Variants in NUP62CL observed in about 807,000 individuals in gnomAD.
The protein encoded by NUP62CL is nucleoporin-62 C-terminal-like protein.
NUP62CL carries 13 observed loss-of-function variants against 15.3 expected under a neutral mutation model. That is an observed-to-expected ratio of 0.85 (90% CI 0.55 to 1.35). NUP62CL has a LOEUF of 1.35. NUP62CL is among the 40% of genes most tolerant of loss of function. The probability of loss-of-function intolerance (pLI) is 0.00; values close to 1 mark genes in which losing one functional copy is unlikely to be tolerated. For missense variants in NUP62CL, 123 were observed against 130.6 expected (o/e 0.94, Z 0.28); for synonymous variants, 54 against 49.2 (o/e 1.10, Z -0.41).
chrX:107,135,689 G>A (rs988804921), intron 8 of NUP62CL, among the ~76,000 whole-genome samples: 8 of 111,316 alleles, frequency 7.2e-5, no homozygotes, highest in African/African-American at 2.0e-4. Context: ...TTAGCTGGGC[G>A]CGTTGGCAAA....
At chrX:107,157,117 G>A (rs1451540673) in intron 4 of NUP62CL, among the ~76,000 whole-genome samples, 4 of 110,210 alleles carry the variant, frequency 3.6e-5, no homozygotes, top group Non-Finnish European at 7.6e-5. Flanking sequence ...TCCAAGAAAT[G>A]TGGGACGATG....
intron 8 of NUP62CL, among the ~76,000 whole-genome samples, chrX:107,134,599 G>A (rs1602635734): frequency 1.8e-5 from 2 of 110,629 alleles, no homozygotes; most frequent in Admixed American, 9.6e-5. Context: ...GACTACAGGC[G>A]TGTGCGACCA....
chrX:107,162,347 T>C (rs1926408449), intron 4 of NUP62CL, among the ~76,000 whole-genome samples: 1 of 111,289 alleles, frequency 9.0e-6, no homozygotes, highest in Admixed American at 9.6e-5. Context: ...CTCTCAAAGT[T>C]TGTGAAAAGA....
chrX:107,175,928 G>C (rs1187522113), intron 2 of NUP62CL, among the ~76,000 whole-genome samples: 3 of 111,123 alleles, frequency 2.7e-5, no homozygotes, highest in African/African-American at 9.8e-5. Context: ...TCTACCCCAA[G>C]TAGAGAAGGC....
chrX:107,150,546 A>C (rs1050088056), intron 7 of NUP62CL, among the ~76,000 whole-genome samples: 1 of 112,501 alleles, frequency 8.9e-6, no homozygotes, highest in Non-Finnish European at 1.9e-5. Context: ...CACCCAGGCT[A>C]GAGCACAGTG....
At chrX:107,127,564 G>A (rs1412210565) in intron 8 of NUP62CL, among the ~76,000 whole-genome samples, 2 of 110,974 alleles carry the variant, frequency 1.8e-5, no homozygotes, top group Non-Finnish European at 3.8e-5. Context: ...AATACTTTAG[G>A]TAAATATTCA....
chrX:107,148,278 A>C (rs1925927816), intron 7 of NUP62CL, among the ~76,000 whole-genome samples: 1 of 111,842 alleles, frequency 8.9e-6, no homozygotes, highest in South Asian at 3.7e-4. Context: ...TACATATCAA[A>C]AGCTTTAAAA....
intron 1 of NUP62CL, among the ~76,000 whole-genome samples, chrX:107,196,851 A>G (rs1347555148): frequency 1.8e-5 from 2 of 112,145 alleles, no homozygotes; most frequent in Admixed American, 1.9e-4. Flanking sequence ...GTATGAAGTA[A>G]CTAATTATTA....
intron 8 of NUP62CL, among the ~76,000 whole-genome samples, chrX:107,137,014 A>G (rs1373328898): frequency 8.9e-6 from 1 of 112,200 alleles, no homozygotes; most frequent in African/African-American, 3.2e-5. Context: ...CAGTGAGCCA[A>G]GTTTGCACCA....
chrX:107,161,085 T>A (rs1415583870), intron 4 of NUP62CL, among the ~76,000 whole-genome samples: 4 of 110,105 alleles, frequency 3.6e-5, no homozygotes, highest in Non-Finnish European at 7.6e-5. Context: ...CTATGAGATA[T>A]CATCTCACAC....
At chrX:107,161,126 G>A (rs1280597881) in intron 4 of NUP62CL, among the ~76,000 whole-genome samples, 1 of 106,153 alleles carries the variant, frequency 9.4e-6, no homozygotes, top group African/African-American at 3.4e-5. Flanking sequence ...GAAAAGTCAG[G>A]AAACAACAGG....
chrX:107,153,954 T>C (rs771245061), intron 5 of NUP62CL, 142 bp downstream of exon 5: 2 of 511,621 alleles, frequency 3.9e-6, no homozygotes, highest in East Asian at 3.7e-5. Context: ...GCCTAGGTGA[T>C]AGAGCAAGAC....
chrX:107,158,159 G>A (rs1320879701), intron 4 of NUP62CL, among the ~76,000 whole-genome samples: 33 of 64,520 alleles, frequency 5.1e-4, no homozygotes, highest in South Asian at 3.1e-3. Flanking sequence ...AAGAGACCTA[G>A]ACTCCCACAC....
intron 2 of NUP62CL, among the ~76,000 whole-genome samples, chrX:107,187,085 C>T (rs1242398980): frequency 9.0e-6 from 1 of 111,648 alleles, no homozygotes; most frequent in Non-Finnish European, 1.9e-5. Flanking sequence ...AAACTGAACA[C>T]TTCTAAATAA....
chrX:107,187,354 C>T (rs1046177508), intron 2 of NUP62CL, among the ~76,000 whole-genome samples: 2 of 111,641 alleles, frequency 1.8e-5, no homozygotes, highest in South Asian at 3.7e-4. Flanking sequence ...AAATTAAAAA[C>T]GAAAACAATA....
chrX:107,124,002 C>A lies in NUP62CL; in HGVS notation c.*373G>T. The A allele has an allele frequency of 4.6e-6, 1 of 218,543 alleles. No homozygotes were observed. Among genetic ancestry groups the A allele is most frequent in the Non-Finnish European group, 8.3e-6 (1 of 120,930 alleles). 18.0% of individuals were successfully genotyped at this position (218,543 alleles called of 1,213,427 possible). On this transcript the variant is annotated 3_prime_UTR_variant, in exon 9 of 9. Transcript: ENST00000372466. ...CAGGGAGAGTAAGACATAAATTACA[C>A]ATATAGAGTCAGCATCTAAGAGGTT...
intron 4 of NUP62CL, among the ~76,000 whole-genome samples, chrX:107,162,507 A>T (rs1276439603): frequency 5.4e-5 from 6 of 111,778 alleles, no homozygotes; most frequent in African/African-American, 1.6e-4. Flanking sequence ...GCATTACTTA[A>T]AAGGGAGTAT....
intron 8 of NUP62CL, among the ~76,000 whole-genome samples, chrX:107,134,488 C>G (rs1045954251): frequency 8.9e-6 from 1 of 112,111 alleles, no homozygotes; most frequent in African/African-American, 3.2e-5. Context: ...AGTTCTGGCT[C>G]TGTCGCCCAG....
At chrX:107,144,114 T>A (rs1925836675) in intron 8 of NUP62CL, among the ~76,000 whole-genome samples, 1 of 111,627 alleles carries the variant, frequency 9.0e-6, no homozygotes, top group African/African-American at 3.3e-5. Flanking sequence ...AAAAAGTAAC[T>A]CCAAGTAATC....
Sources: gnomAD v4.1 joint callset for allele counts (sites outside exome capture counted in the v4.1 genomes callset) on GRCh38, gnomAD v4.1.1 for gene constraint, MANE v1.5 for transcripts, NCBI Gene and HGNC (gene_info 2026-07-23, HGNC 2026-07-21) for gene names.